The following CNTN5 variants were observed in gnomAD, a reference collection of about 807,000 sequenced individuals.
CNTN5 encodes the protein contactin 5, also known as contactin-5.
A neutral mutation model predicts 129.1 loss-of-function variants in CNTN5; 77 were observed. That is an observed-to-expected ratio of 0.60 (90% CI 0.50 to 0.72). The LOEUF is 0.72. Ranked by LOEUF, CNTN5 falls within the 30% of genes least tolerant of loss-of-function variation. The pLI, the probability that CNTN5 is intolerant of heterozygous loss-of-function variation, is 0.00. For missense variants in CNTN5, 1,478 were observed against 1,328.8 expected (o/e 1.11, Z -1.75); for synonymous variants, 509 against 465.6 (o/e 1.09, Z -1.20).
chr11:99,772,663 T>A (rs1339762319), intron 3 of CNTN5, among the ~76,000 whole-genome samples: 1 of 152,156 alleles, frequency 6.6e-6, no homozygotes, highest in African/African-American at 2.4e-5. Flanking sequence ...TAAATATTTT[T>A]CTTTTTCATT....
Position 100,191,263 on chromosome 11 carries a change from C to CA in CNTN5, c.1708+11dup. 6.2e-7 allele frequency: 1 copy of CA among 1,606,740 alleles called. No individual in the cohort carries two copies. Among genetic ancestry groups the CA allele is most frequent in the South Asian group, 1.1e-5 (1 of 89,972 alleles). ...TCGCTATCTGTAAAAGGTAAGACAG[C>CA]ACGGGTAAATGTTTTACAAGCATAG... On this transcript the variant is annotated intron_variant, in intron 14 of 24. Transcript: ENST00000524871.
intron 1 of CNTN5, among the ~76,000 whole-genome samples, chr11:99,034,174 T>G (rs1863567416): frequency 6.6e-6 from 1 of 152,188 alleles, no homozygotes; most frequent in Non-Finnish European, 1.5e-5. Context: ...GGTTTGCCAG[T>G]ATTTTATTGA....
intron 1 of CNTN5, among the ~76,000 whole-genome samples, chr11:99,131,810 T>A (rs370028787): frequency 4.2e-4 from 64 of 152,216 alleles, no homozygotes; most frequent in African/African-American, 1.2e-3. Flanking sequence ...CAGCTGAATT[T>A]TACGAGAGGT....
chr11:99,453,457 T>C (rs1591084604), intron 2 of CNTN5, among the ~76,000 whole-genome samples: 2 of 152,324 alleles, frequency 1.3e-5, no homozygotes, highest in South Asian at 2.1e-4. Flanking sequence ...CTTTAGGGAA[T>C]GGAAGAGTGA....
At chr11:99,717,996 C>G (rs1272819302) in intron 3 of CNTN5, among the ~76,000 whole-genome samples, 1 of 152,096 alleles carries the variant, frequency 6.6e-6, no homozygotes, top group African/African-American at 2.4e-5. Flanking sequence ...CGAATTTCAA[C>G]TCAGGTTTAC....
At chr11:100,273,920 G>T (rs751377426) in intron 18 of CNTN5, among the ~76,000 whole-genome samples, 68 of 152,118 alleles carry the variant, frequency 4.5e-4, no homozygotes, top group Non-Finnish European at 8.7e-4. Flanking sequence ...AGAAGGCAAT[G>T]CTAAGCAAAA....
chr11:99,990,594 T>G (rs908172890), intron 8 of CNTN5, among the ~76,000 whole-genome samples: 1 of 152,076 alleles, frequency 6.6e-6, no homozygotes, highest in Non-Finnish European at 1.5e-5. Context: ...GTTGGTAACA[T>G]AAGCCATTTA....
chr11:99,876,576 C>A (rs181407781), intron 6 of CNTN5, among the ~76,000 whole-genome samples: 44 of 152,270 alleles, frequency 2.9e-4, no homozygotes, highest in Middle Eastern at 3.4e-3. Flanking sequence ...TGTACTATAA[C>A]ACATGAGGCA....
intron 2 of CNTN5, among the ~76,000 whole-genome samples, chr11:99,528,902 A>C (rs910149269): frequency 4.2e-5 from 1 of 23,790 alleles, no homozygotes; most frequent in Non-Finnish European, 3.1e-4. Flanking sequence ...CGTTTCTACT[A>C]AAAAAAAAAA....
rs7113515 is a variant in CNTN5 at position 99,282,041 on chromosome 11, T to A, written c.-209-43305T>A. On this transcript the variant is annotated intron_variant, in intron 1 of 24. Transcript: ENST00000524871. ...TTTTTTTGTTTTGTTTTACTGTGTA[T>A]GAAACTACACAAGAATGATTCTGAG... 3.8e-3 allele frequency among the ~76,000 whole-genome samples: 583 copies of A among 152,120 alleles called. 5 individuals are homozygous for A. Among genetic ancestry groups the A allele is most frequent in the African/African-American group, 0.012 (483 of 41,542 alleles).
chr11:99,861,771 T>G (rs1421726188), intron 6 of CNTN5, among the ~76,000 whole-genome samples: 1 of 152,224 alleles, frequency 6.6e-6, no homozygotes, highest in African/African-American at 2.4e-5. Context: ...CTATTGTGAT[T>G]GTTGTACTCA....
chr11:99,329,390 A>G (rs2136020673), intron 2 of CNTN5, among the ~76,000 whole-genome samples: 1 of 152,286 alleles, frequency 6.6e-6, no homozygotes, highest in Non-Finnish European at 1.5e-5. Flanking sequence ...CCGTTGTGGA[A>G]ATAACTCATG....
intron 3 of CNTN5, among the ~76,000 whole-genome samples, chr11:99,656,180 C>G (rs1383931077): frequency 3.3e-5 from 5 of 151,918 alleles, no homozygotes; most frequent in Non-Finnish European, 5.9e-5. Context: ...TACATCCTAC[C>G]TCTTTAACCT....
chr11:100,229,656 A>T (rs1949450440), intron 16 of CNTN5, among the ~76,000 whole-genome samples: 1 of 152,202 alleles, frequency 6.6e-6, no homozygotes, highest in South Asian at 2.1e-4. Context: ...GCATGTTTCT[A>T]ATATATTGTT....
At chr11:100,226,545 G>A (rs757154063) in intron 16 of CNTN5, among the ~76,000 whole-genome samples, 16 of 152,096 alleles carry the variant, frequency 1.1e-4, no homozygotes, top group Admixed American at 2.0e-4. Flanking sequence ...ATAAATTTTC[G>A]GATTATACCC....
At chr11:100,088,643 T>C (rs1254257930) in intron 13 of CNTN5, among the ~76,000 whole-genome samples, 1 of 152,014 alleles carries the variant, frequency 6.6e-6, no homozygotes, top group East Asian at 1.9e-4. Flanking sequence ...CTAGATGAAA[T>C]GCATAAATTT....
At position 99,565,431 on chromosome 11, in the gene CNTN5, G is replaced by A. The variant is rs78398349; in HGVS notation, c.55+9162G>A. On this transcript the variant is annotated intron_variant, in intron 3 of 24. Transcript: ENST00000524871. ...TTTCATGTATTCTTCTGAGGGTACA[G>A]TCAAGAGATTACTTGAGAGACTTTA... Among the ~76,000 whole-genome samples the A allele has an allele frequency of 4.2e-3, 638 of 152,326 alleles. 26 individuals are homozygous for A. The East Asian group carries it at 0.096, about 23-fold the overall frequency.
At chr11:99,053,119 G>C (rs1256130792) in intron 1 of CNTN5, among the ~76,000 whole-genome samples, 1 of 151,802 alleles carries the variant, frequency 6.6e-6, no homozygotes, top group East Asian at 1.9e-4. Flanking sequence ...GTGACAAAAA[G>C]TTTAGGACCA....
At chr11:99,838,956 G>T (rs1304445824) in intron 4 of CNTN5, among the ~76,000 whole-genome samples, 1 of 152,080 alleles carries the variant, frequency 6.6e-6, no homozygotes, top group Non-Finnish European at 1.5e-5. Context: ...TGAAGGGAGG[G>T]TTATCAAAAA....
Sources: gnomAD v4.1 joint callset for allele counts (sites outside exome capture counted in the v4.1 genomes callset) on GRCh38, gnomAD v4.1.1 for gene constraint, MANE v1.5 for transcripts, NCBI Gene and HGNC (gene_info 2026-07-23, HGNC 2026-07-21) for gene names.